Variants in USP9X observed in about 807,000 individuals in gnomAD.
USP9X encodes the protein ubiquitin carboxyl-terminal hydrolase 9X.
Under a neutral mutation model 190.3 loss-of-function variants are expected in USP9X, and 7 were observed. The observed-to-expected ratio is 0.04, with a 90% CI of 0.02 to 0.07. The LOEUF is 0.07. Ranked by LOEUF, USP9X falls within the 10% of genes least tolerant of loss-of-function variation. The pLI is 1.00. For missense variants in USP9X, 1,010 were observed against 1,916.9 expected (o/e 0.53, Z 8.83); for synonymous variants, 645 against 659.5 (o/e 0.98, Z 0.34).
rs1011066970 is a variant in USP9X at position 41,183,883 on chromosome X, A to G, written c.3149-115A>G. The G allele has an allele frequency of 9.7e-6, 9 of 925,611 alleles. No homozygotes were observed. The South Asian group carries it at 2.0e-4, about 21-fold the overall frequency. 76.3% of individuals were successfully genotyped at this position (925,611 alleles called of 1,213,427 possible). A position where few individuals can be genotyped will look rare whatever the true frequency, so the allele number is the denominator to read the frequency against. ...GTCATGTCTTAGGAAGTTTGAGCCT[A>G]TAGCCCAACTGAGTGGATTGTTATT... On this transcript the variant is annotated intron_variant, in intron 21 of 44. Coordinates refer to ENST00000378308, the MANE Select transcript of USP9X (RefSeq NM_001039591.3).
intron 15 of USP9X, among the ~76,000 whole-genome samples, 173 bp from the exon 16 acceptor site, chrX:41,165,698 AT>A (rs1022224125): frequency 3.6e-5 from 4 of 109,997 alleles, no homozygotes; most frequent in Admixed American, 9.7e-5. Context: ...TCTAGTGGGG[AT>A]TTTTTTTTAG....
intron 6 of USP9X, among the ~76,000 whole-genome samples, chrX:41,138,192 T>C (rs1450328948): frequency 8.9e-6 from 1 of 111,853 alleles, no homozygotes; most frequent in Non-Finnish European, 1.9e-5. Flanking sequence ...AATTTTATCA[T>C]ACAGCTAAAC....
Position 41,216,651 on chromosome X carries a change from C to A in USP9X, c.6084C>A (p.Pro2028=). 1.7e-6 allele frequency: 2 copies of A among 1,200,616 alleles called. No individual in the cohort carries two copies. The highest frequency in any genetic ancestry group is 2.2e-6 in the Non-Finnish European group (2 of 889,125). ...TCNGVYLNPP[P]GQDHLLPEAE... Reference sequence around the variant, plus strand: ...ATGGCGTTTACTTAAACCCTCCTCCCGGTGAGTATCAAGAGAGTTTAGCTT... The same window carrying A: ...ATGGCGTTTACTTAAACCCTCCTCCAGGTGAGTATCAAGAGAGTTTAGCTT... The change falls in exon 35 of 45, where the codon CCC becomes CCA. Residue 2028 remains proline (P), a splice_region_variant and synonymous_variant. Coordinates refer to ENST00000378308, the MANE Select transcript of USP9X (RefSeq NM_001039591.3).
At chrX:41,224,480 A>C (rs1255431584) in intron 39 of USP9X, among the ~76,000 whole-genome samples, 1 of 109,343 alleles carries the variant, frequency 9.1e-6, no homozygotes, top group Non-Finnish European at 1.9e-5. Flanking sequence ...ACAAAAATAC[A>C]AAAAAATTAG....
chrX:41,138,217 C>G (rs776793807), intron 6 of USP9X, among the ~76,000 whole-genome samples: 1 of 111,510 alleles, frequency 9.0e-6, no homozygotes, highest in Non-Finnish European at 1.9e-5. Context: ...CTTCTATAAG[C>G]TTTTAAAAAT....
At chrX:41,128,075 C>T (rs1029882053) in intron 2 of USP9X, among the ~76,000 whole-genome samples, 4 of 111,523 alleles carry the variant, frequency 3.6e-5, no homozygotes, top group African/African-American at 1.3e-4. Flanking sequence ...AGAAAAATAG[C>T]CACGTTAGTT....
intron 1 of USP9X, among the ~76,000 whole-genome samples, chrX:41,103,833 G>A (rs909666023): frequency 9.0e-6 from 1 of 111,663 alleles, no homozygotes; most frequent in African/African-American, 3.3e-5. Flanking sequence ...TGGGACTGCA[G>A]TTTTGTATTT....
At chrX:41,103,139 ATAGT>A (rs2062046551) in intron 1 of USP9X, among the ~76,000 whole-genome samples, 1 of 112,360 alleles carries the variant, frequency 8.9e-6, no homozygotes, top group Non-Finnish European at 1.9e-5. Context: ...GAGTAGATTG[ATAGT>A]TAGGCATACC....
intron 1 of USP9X, among the ~76,000 whole-genome samples, chrX:41,122,907 C>T (rs1379609550): frequency 9.0e-6 from 1 of 111,179 alleles, no homozygotes; most frequent in Middle Eastern, 4.6e-3. Context: ...CTCCTCTCCA[C>T]CTTTAGACAC....
chrX:41,121,141 G>A (rs775543326), intron 1 of USP9X, among the ~76,000 whole-genome samples: 35 of 110,996 alleles, frequency 3.2e-4, no homozygotes, highest in Non-Finnish European at 5.5e-4. Context: ...GAGCCACTGC[G>A]CCTGATTTTA....
chrX:41,145,341 T>C (rs2062455110), intron 11 of USP9X, among the ~76,000 whole-genome samples: 1 of 112,279 alleles, frequency 8.9e-6, no homozygotes. Context: ...TTCTCATAAC[T>C]CATCAGTTTG....
chrX:41,227,259 A>T (rs1047435529), intron 41 of USP9X, among the ~76,000 whole-genome samples: 2 of 112,172 alleles, frequency 1.8e-5, no homozygotes, highest in Admixed American at 1.9e-4. Flanking sequence ...AGATAGTATT[A>T]ATAAAAATGG....
At chrX:41,147,982 G>T (rs750506289) in intron 11 of USP9X, among the ~76,000 whole-genome samples, 1 of 111,159 alleles carries the variant, frequency 9.0e-6, no homozygotes, top group East Asian at 2.8e-4. Context: ...AACCATAGCA[G>T]TAACTTTACT....
intron 1 of USP9X, among the ~76,000 whole-genome samples, chrX:41,090,762 C>T (rs914317639): frequency 3.6e-5 from 4 of 111,518 alleles, no homozygotes; most frequent in East Asian, 2.8e-4. Context: ...GTTTGAGTTT[C>T]GTTTTGTTAG....
chrX:41,145,407 A>G (rs922389109), intron 11 of USP9X, among the ~76,000 whole-genome samples: 1 of 112,193 alleles, frequency 8.9e-6, no homozygotes, highest in Non-Finnish European at 1.9e-5. Context: ...ATACGTGTTC[A>G]GCAACACTTG....
chrX:41,216,584 G>A lies in USP9X; in HGVS notation c.6017G>A (p.Ser2006Asn). The A allele has an allele frequency of 8.3e-7, 1 of 1,210,800 alleles. No individual in the cohort carries two copies. The change falls in exon 35 of 45, where the codon AGT (serine) becomes AAT (asparagine). Residue 2006 changes from serine (S) to asparagine (N), a missense_variant. This residue lies in a region of USP9X where 121 missense variants were observed against 281.2 expected (regional missense o/e 0.43). Transcript: ENST00000378308. ...TTCATGCATAACCGAATGCAGTACAGTATGGAGTATTTTCAGTTTATGAAA... is the reference window on the plus strand; with the variant it reads ...TTCATGCATAACCGAATGCAGTACAATATGGAGTATTTTCAGTTTATGAAA... ...VQFMHNRMQY[S>N]MEYFQFMKKL...
intron 1 of USP9X, among the ~76,000 whole-genome samples, chrX:41,118,355 T>TAC (rs931846678): frequency 4.5e-5 from 5 of 110,529 alleles, no homozygotes. Context: ...CTAATCTGGG[T>TAC]ACCCGTGTAC....
intron 12 of USP9X, among the ~76,000 whole-genome samples, chrX:41,149,974 G>A (rs1445638358): frequency 9.0e-6 from 1 of 111,284 alleles, no homozygotes; most frequent in African/African-American, 3.3e-5. Flanking sequence ...CCAAAGTGGT[G>A]GGATTACAGG....
At chrX:41,108,740 T>G (rs1046902394) in intron 1 of USP9X, among the ~76,000 whole-genome samples, 2 of 111,827 alleles carry the variant, frequency 1.8e-5, no homozygotes, top group Non-Finnish European at 3.8e-5. Context: ...TGTGGCTCAC[T>G]TCTCAGAGTG....
Sources: allele counts gnomAD v4.1 joint callset (sites outside exome capture counted in the v4.1 genomes callset), GRCh38; gene constraint gnomAD v4.1.1; regional missense constraint gnomAD v4.1.1; transcripts MANE v1.5; gene names NCBI Gene and HGNC (gene_info 2026-07-23, HGNC 2026-07-21).